The following COL14A1 variants were observed in gnomAD, a reference collection of about 807,000 sequenced individuals.
COL14A1 encodes the protein collagen type XIV alpha 1 chain.
Under a neutral mutation model 230.3 loss-of-function variants are expected in COL14A1, and 136 were observed. The observed-to-expected ratio is 0.59, with a 90% CI of 0.51 to 0.68. COL14A1 has a LOEUF of 0.68. COL14A1 is among the 30% of genes least tolerant of loss of function. COL14A1 has a pLI of 0.00. For missense variants in COL14A1, 1,976 were observed against 2,215.8 expected (o/e 0.89, Z 2.17); for synonymous variants, 792 against 784.1 (o/e 1.01, Z -0.17).
At chr8:120,290,148 A>C (rs527855673) in intron 34 of COL14A1, among the ~76,000 whole-genome samples, 1 of 152,336 alleles carries the variant, frequency 6.6e-6, no homozygotes, top group South Asian at 2.1e-4. Context: ...TATATAAGCA[A>C]ATACAAATCC....
intron 20 of COL14A1, among the ~76,000 whole-genome samples, chr8:120,244,721 C>T (rs1180512554): frequency 6.6e-6 from 1 of 152,178 alleles, no homozygotes; most frequent in Non-Finnish European, 1.5e-5. Flanking sequence ...AATTCATTCC[C>T]TTTTATGCAA....
At chr8:120,267,101 A>G (rs1819522536) in intron 25 of COL14A1, 1 of 496,902 alleles carries the variant, frequency 2.0e-6, no homozygotes, top group Non-Finnish European at 3.6e-6. Context: ...AGAATTGCTT[A>G]ATACTATTTT....
At chr8:120,312,241 T>C (rs1378924390) in intron 37 of COL14A1, among the ~76,000 whole-genome samples, 1 of 152,134 alleles carries the variant, frequency 6.6e-6, no homozygotes, top group Non-Finnish European at 1.5e-5. Context: ...TCCCTCTCCC[T>C]TCCTCTTATG....
chr8:120,174,015 G>T, intron 5 of COL14A1, among the ~76,000 whole-genome samples: 1 of 152,110 alleles, frequency 6.6e-6, no homozygotes, highest in East Asian at 1.9e-4. Context: ...TTTTAATACA[G>T]TTAAGTTAAT....
At position 120,342,441 on chromosome 8, in the gene COL14A1, T is replaced by C; in HGVS notation, c.4883T>C (p.Ile1628Thr). Residue 1628 changes from isoleucine to threonine, a missense_variant, in exon 44 of 48, where the codon ATC (isoleucine) becomes ACC (threonine). Around this residue, in one of 3 missense-constraint regions of COL14A1, gnomAD observed 1,791 missense variants for 2,019.5 expected, o/e 0.89. Transcript: ENST00000297848. ...SVARQVCEQL[I>T]QSHMARYTAI... Reference sequence around the variant, plus strand: ...GCGCGTCAAGTATGCGAACAGCTCATCCAGAGTAAGTATGTAATGGTTACG... The same window carrying C: ...GCGCGTCAAGTATGCGAACAGCTCACCCAGAGTAAGTATGTAATGGTTACG... 6.2e-7 allele frequency: 1 copy of C among 1,613,850 alleles called. No individual in the cohort carries two copies. The highest frequency in any genetic ancestry group is 8.5e-7 in the Non-Finnish European group (1 of 1,179,782).
intron 40 of COL14A1, among the ~76,000 whole-genome samples, chr8:120,319,712 C>G (rs1350122412): frequency 6.6e-6 from 1 of 152,222 alleles, no homozygotes; most frequent in African/African-American, 2.4e-5. Flanking sequence ...GAATCTTTGA[C>G]TCTTAGAGGT....
At chr8:120,152,469 C>CA (rs397891260) in intron 2 of COL14A1, among the ~76,000 whole-genome samples, 9,449 of 59,532 alleles carry the variant, frequency 0.16, 1,332 homozygotes, top group Middle Eastern at 0.2. Context: ...GATTCCATCT[C>CA]AAAAAAAAAA....
intron 24 of COL14A1, among the ~76,000 whole-genome samples, chr8:120,266,013 G>A (rs562154611): frequency 6.6e-6 from 1 of 152,078 alleles, no homozygotes; most frequent in East Asian, 1.9e-4. Flanking sequence ...TTAGTGGAGG[G>A]TTTTCCTGAG....
chr8:120,217,114 C>A (rs1275478625), intron 14 of COL14A1, among the ~76,000 whole-genome samples: 3 of 152,070 alleles, frequency 2.0e-5, no homozygotes, highest in African/African-American at 7.2e-5. Flanking sequence ...GAAAATGCAG[C>A]CTGCCACAGG....
intron 34 of COL14A1, among the ~76,000 whole-genome samples, chr8:120,292,188 A>T (rs1239107618): frequency 6.6e-6 from 1 of 152,178 alleles, no homozygotes. Context: ...TGCTCCAAAG[A>T]TATGACCAAC....
chr8:120,151,801 G>C (rs893334737), intron 2 of COL14A1, among the ~76,000 whole-genome samples: 3 of 152,026 alleles, frequency 2.0e-5, no homozygotes, highest in African/African-American at 4.8e-5. Flanking sequence ...CCTTAAAATA[G>C]GGAGGTTAGC....
chr8:120,158,782 T>C (rs1298939678), intron 3 of COL14A1, among the ~76,000 whole-genome samples: 1 of 152,242 alleles, frequency 6.6e-6, no homozygotes, highest in Non-Finnish European at 1.5e-5. Context: ...AAAGATACTT[T>C]ATTATTTAAA....
intron 37 of COL14A1, among the ~76,000 whole-genome samples, chr8:120,312,900 T>G (rs75193188): frequency 0.039 from 6,006 of 152,268 alleles, 187 homozygotes; most frequent in Non-Finnish European, 0.064. Flanking sequence ...AAGAATAGCT[T>G]TAGTTGAAGT....
intron 4 of COL14A1, among the ~76,000 whole-genome samples, chr8:120,163,911 G>T (rs1481670242): frequency 6.6e-6 from 1 of 151,770 alleles, no homozygotes; most frequent in Non-Finnish European, 1.5e-5. Context: ...CTAGGCACTT[G>T]GGCACATGAC....
chr8:120,216,621 T>A, intron 14 of COL14A1, 131 bp downstream of exon 14: 3 of 950,400 alleles, frequency 3.2e-6, no homozygotes, highest in Non-Finnish European at 4.5e-6. Context: ...ATAGTTCCTG[T>A]ATGTAGGTCA....
intron 46 of COL14A1, 47 bp from the exon 47 acceptor site, chr8:120,369,283 C>G (rs1289210412): frequency 6.9e-7 from 1 of 1,457,690 alleles, no homozygotes; most frequent in Non-Finnish European, 9.1e-7. Flanking sequence ...AAAACTCACC[C>G]TGTTGTGGCA....
chr8:120,344,206 C>A (rs1307251660), intron 44 of COL14A1, among the ~76,000 whole-genome samples: 1 of 152,198 alleles, frequency 6.6e-6, no homozygotes, highest in Non-Finnish European at 1.5e-5. Context: ...CCAGGCCCAG[C>A]CTACTCAGAG....
At chr8:120,194,921 G>C (rs1816975076) in intron 5 of COL14A1, among the ~76,000 whole-genome samples, 1 of 152,094 alleles carries the variant, frequency 6.6e-6, no homozygotes, top group Non-Finnish European at 1.5e-5. Context: ...TTCCATTTTA[G>C]CCTTTTTCTT....
At chr8:120,273,033 A>C (rs908010175) in intron 26 of COL14A1, among the ~76,000 whole-genome samples, 1 of 151,804 alleles carries the variant, frequency 6.6e-6, no homozygotes, top group Non-Finnish European at 1.5e-5. Flanking sequence ...AAGCTAGACC[A>C]TGATAGGCCA....
Sources: allele counts gnomAD v4.1 joint callset (sites outside exome capture counted in the v4.1 genomes callset), GRCh38; gene constraint gnomAD v4.1.1; regional missense constraint gnomAD v4.1.1; transcripts MANE v1.5; gene names NCBI Gene and HGNC (gene_info 2026-07-23, HGNC 2026-07-21).